Variants in CALD1 observed in about 807,000 individuals in gnomAD.
CALD1 encodes caldesmon 1.
CALD1 carries 33 observed loss-of-function variants against 99.9 expected under a neutral mutation model. The ratio of observed to expected loss-of-function variants is 0.33; its 90% CI spans 0.25 to 0.44. The LOEUF is 0.44. Ranked by LOEUF, CALD1 falls within the 20% of genes least tolerant of loss-of-function variation. CALD1 has a pLI of 1.00. For missense variants in CALD1, 861 were observed against 962.1 expected (o/e 0.89, Z 1.39); for synonymous variants, 310 against 325.0 (o/e 0.95, Z 0.50).
At chr7:134,923,180 AGT>A (rs1804742683) in intron 3 of CALD1, among the ~76,000 whole-genome samples, 1 of 152,232 alleles carries the variant, frequency 6.6e-6, no homozygotes, top group African/African-American at 2.4e-5. Context: ...CCTTTCTCCA[AGT>A]GTTTGTGCCA....
At chr7:134,810,807 T>C (rs1401488431) in intron 1 of CALD1, among the ~76,000 whole-genome samples, 1 of 152,184 alleles carries the variant, frequency 6.6e-6, no homozygotes, top group Non-Finnish European at 1.5e-5. Flanking sequence ...GCTAGGTGTG[T>C]GGGAGTTAGC....
intron 2 of CALD1, among the ~76,000 whole-genome samples, chr7:134,865,418 G>A (rs997112077): frequency 4.0e-5 from 6 of 151,250 alleles, no homozygotes; most frequent in African/African-American, 1.5e-4. Context: ...TTTCCTCTAA[G>A]CTACACCCAC....
intron 3 of CALD1, among the ~76,000 whole-genome samples, chr7:134,917,124 A>G (rs1362089320): frequency 1.3e-5 from 2 of 152,350 alleles, no homozygotes; most frequent in East Asian, 1.9e-4. Context: ...GGAAAAATAT[A>G]GTGCTGCCAG....
intron 1 of CALD1, among the ~76,000 whole-genome samples, chr7:134,762,255 C>T (rs917629065): frequency 6.6e-6 from 1 of 152,340 alleles, no homozygotes; most frequent in South Asian, 2.1e-4. Context: ...AGTCCCAGCT[C>T]TCCTTGCCAC....
At position 134,957,641 on chromosome 7, in the gene CALD1, G is replaced by C. The variant is rs931855774; in HGVS notation, c.1936-428G>C. On this transcript the variant is annotated intron_variant, in intron 9 of 14. Coordinates refer to ENST00000361675, the MANE Select transcript of CALD1 (RefSeq NM_033138.4). ...TCACCATGTTGGCCAGGCTGGTCTTGAACTCCTGACCTCAAGTGATTTGCC... is the reference window on the plus strand; with the variant it reads ...TCACCATGTTGGCCAGGCTGGTCTTCAACTCCTGACCTCAAGTGATTTGCC... Among the ~76,000 whole-genome samples, 8 of 152,214 alleles carry C rather than the reference G, an allele frequency of 5.3e-5. No homozygotes were observed. In the South Asian group the frequency reaches 1.5e-3, roughly 28 times the overall value.
intron 3 of CALD1, among the ~76,000 whole-genome samples, chr7:134,886,755 T>A (rs777090703): frequency 1.3e-5 from 2 of 152,198 alleles, no homozygotes; most frequent in Non-Finnish European, 2.9e-5. Flanking sequence ...TGAGAGTGAT[T>A]AAACACTGGG....
intron 3 of CALD1, among the ~76,000 whole-genome samples, chr7:134,898,092 C>G (rs918203911): frequency 4.6e-5 from 7 of 151,868 alleles, no homozygotes; most frequent in African/African-American, 1.7e-4. Context: ...GCCTGGCTAG[C>G]CTGGGGGTTT....
chr7:134,773,750 A>T (rs1796895150), intron 1 of CALD1, among the ~76,000 whole-genome samples: 1 of 146,256 alleles, frequency 6.8e-6, no homozygotes, highest in Admixed American at 6.8e-5. Flanking sequence ...GTTTTCTCCA[A>T]GTTTTCTTCC....
intron 1 of CALD1, among the ~76,000 whole-genome samples, chr7:134,773,488 G>A (rs1796892547): frequency 6.6e-6 from 1 of 151,888 alleles, no homozygotes; most frequent in Non-Finnish European, 1.5e-5. Flanking sequence ...TGCCCAGGCT[G>A]GTCTTGAACT....
At chr7:134,939,998 C>T (rs756301488) in intron 6 of CALD1, among the ~76,000 whole-genome samples, 2 of 152,034 alleles carry the variant, frequency 1.3e-5, no homozygotes, top group Non-Finnish European at 2.9e-5. Context: ...AGTAAATCTT[C>T]ACAGAGTATC....
At chr7:134,781,178 A>G (rs1381205838) in intron 1 of CALD1, among the ~76,000 whole-genome samples, 1 of 152,218 alleles carries the variant, frequency 6.6e-6, no homozygotes, top group Non-Finnish European at 1.5e-5. Context: ...CTTCCCTCGA[A>G]GAGATCAAGT....
At chr7:134,831,816 C>T (rs1281531405) in intron 1 of CALD1, among the ~76,000 whole-genome samples, 1 of 152,068 alleles carries the variant, frequency 6.6e-6, no homozygotes, top group East Asian at 1.9e-4. Flanking sequence ...GTCCTTGCCT[C>T]CTCAGAAGAA....
intron 14 of CALD1, among the ~76,000 whole-genome samples, chr7:134,967,235 G>A (rs1170137222): frequency 6.6e-6 from 1 of 152,060 alleles, no homozygotes; most frequent in African/African-American, 2.4e-5. Flanking sequence ...AAGGTAGGAG[G>A]GTGACAGTGT....
intron 3 of CALD1, among the ~76,000 whole-genome samples, chr7:134,890,321 G>A (rs964785441): frequency 2.6e-5 from 4 of 152,224 alleles, no homozygotes; most frequent in Non-Finnish European, 4.4e-5. Flanking sequence ...GAACACAAGA[G>A]TAGTAGATGC....
intron 1 of CALD1, among the ~76,000 whole-genome samples, chr7:134,753,915 G>T (rs1241382440): frequency 1.3e-5 from 2 of 152,322 alleles, no homozygotes; most frequent in African/African-American, 4.8e-5. Flanking sequence ...GGCTTTGCAA[G>T]CTCCCCTAGC....
intron 2 of CALD1, among the ~76,000 whole-genome samples, chr7:134,857,468 A>G (rs73452374): frequency 0.19 from 28,504 of 151,874 alleles, 2,882 homozygotes; most frequent in Middle Eastern, 0.26. Context: ...GTTTTGTGCT[A>G]TTCTTAAGCA....
chr7:134,781,943 T>C (rs961254333), intron 1 of CALD1, among the ~76,000 whole-genome samples: 2 of 152,374 alleles, frequency 1.3e-5, no homozygotes, highest in Non-Finnish European at 2.9e-5. Context: ...ACAATTCTAA[T>C]TGGCTCCTGT....
chr7:134,917,358 A>AT (rs1179013269), intron 3 of CALD1, among the ~76,000 whole-genome samples: 1 of 152,038 alleles, frequency 6.6e-6, no homozygotes, highest in Non-Finnish European at 1.5e-5. Context: ...AAAAATTTTT[A>AT]TTTTTTTGAG....
At chr7:134,897,285 T>C (rs1383487495) in intron 3 of CALD1, among the ~76,000 whole-genome samples, 4 of 148,106 alleles carry the variant, frequency 2.7e-5, no homozygotes, top group Admixed American at 6.8e-5. Context: ...CTTAGCATTA[T>C]CTACATCAGT....
Sources: gnomAD v4.1 joint callset for allele counts (sites outside exome capture counted in the v4.1 genomes callset) on GRCh38, gnomAD v4.1.1 for gene constraint, MANE v1.5 for transcripts, NCBI Gene and HGNC (gene_info 2026-07-23, HGNC 2026-07-21) for gene names.